PRKN: variants seen among roughly 807,000 people sequenced by gnomAD.
PRKN encodes parkin RBR E3 ubiquitin protein ligase.
PRKN carries 56 observed loss-of-function variants against 59.5 expected under a neutral mutation model. That is an observed-to-expected ratio of 0.94 (90% CI 0.76 to 1.18). The LOEUF (loss-of-function observed/expected upper bound fraction) is 1.18. PRKN is among the 50% of genes most tolerant of loss of function. PRKN has a pLI of 0.00. For synonymous variants in PRKN, 250 were observed against 222.1 expected (o/e 1.13, Z -1.12); for missense variants, 657 against 596.4 (o/e 1.10, Z -1.06).
chr6:162,571,864 T>C (rs935613395), intron 1 of PRKN, among the ~76,000 whole-genome samples: 7 of 152,124 alleles, frequency 4.6e-5, no homozygotes, highest in Non-Finnish European at 7.3e-5. Flanking sequence ...ATCAATAAAA[T>C]ATTAAACCAC....
At chr6:162,567,746 T>C (rs1389207265) in intron 1 of PRKN, among the ~76,000 whole-genome samples, 2 of 152,134 alleles carry the variant, frequency 1.3e-5, no homozygotes, top group Non-Finnish European at 2.9e-5. Flanking sequence ...GACATTCTTC[T>C]GGGAAATAGA....
At chr6:161,887,298 C>CA (rs1368427596) in intron 6 of PRKN, among the ~76,000 whole-genome samples, 2 of 151,992 alleles carry the variant, frequency 1.3e-5, no homozygotes, top group Non-Finnish European at 2.9e-5. Flanking sequence ...GTATGACTTA[C>CA]AAAAAAGATG....
At chr6:162,661,482 A>G (rs1463696218) in intron 1 of PRKN, among the ~76,000 whole-genome samples, 1 of 152,172 alleles carries the variant, frequency 6.6e-6, no homozygotes, top group Admixed American at 6.5e-5. Flanking sequence ...TACAGTTCCC[A>G]CGGACAATGA....
At chr6:162,395,705 A>G (rs1040427248) in intron 2 of PRKN, among the ~76,000 whole-genome samples, 13 of 152,276 alleles carry the variant, frequency 8.5e-5, no homozygotes, top group Middle Eastern at 3.4e-3. Flanking sequence ...CAAAAAAAAA[A>G]AGAAAGTTCT....
chr6:162,532,120 T>C (rs1778539057), intron 1 of PRKN, among the ~76,000 whole-genome samples: 2 of 74,332 alleles, frequency 2.7e-5, no homozygotes, highest in Non-Finnish European at 4.4e-5. Flanking sequence ...ATGGAAGAAG[T>C]TTCCCCTGAA....
intron 7 of PRKN, among the ~76,000 whole-genome samples, chr6:161,730,579 G>C (rs1317320729): frequency 6.6e-6 from 1 of 150,866 alleles, no homozygotes; most frequent in African/African-American, 2.5e-5. Context: ...CTGATGTGTT[G>C]CATTCTGATG....
At chr6:161,847,890 G>T (rs982708435) in intron 6 of PRKN, among the ~76,000 whole-genome samples, 1 of 152,150 alleles carries the variant, frequency 6.6e-6, no homozygotes, top group Admixed American at 6.5e-5. Context: ...ACTCTGCCCT[G>T]AGCACAAAAC....
At chr6:161,874,222 A>C (rs1278019374) in intron 6 of PRKN, among the ~76,000 whole-genome samples, 1 of 36,810 alleles carries the variant, frequency 2.7e-5, no homozygotes, top group Non-Finnish European at 4.5e-5. Flanking sequence ...AATATAATAT[A>C]TATTATATAT....
At chr6:162,531,565 T>G (rs1363440823) in intron 1 of PRKN, among the ~76,000 whole-genome samples, 1 of 151,768 alleles carries the variant, frequency 6.6e-6, no homozygotes, top group African/African-American at 2.4e-5. Flanking sequence ...AGTTCCTAGG[T>G]GGGAGCACAA....
intron 8 of PRKN, among the ~76,000 whole-genome samples, chr6:161,555,942 A>G (rs9355908): frequency 0.17 from 25,320 of 152,236 alleles, 2,865 homozygotes; most frequent in East Asian, 0.58. Flanking sequence ...ATTTTTTAAA[A>G]TAAGTTGCTC....
At chr6:162,534,767 T>G (rs1009781705) in intron 1 of PRKN, among the ~76,000 whole-genome samples, 1 of 152,104 alleles carries the variant, frequency 6.6e-6, no homozygotes, top group Admixed American at 6.6e-5. Flanking sequence ...GCAGCTCCAG[T>G]AGAGGCTGTG....
chr6:161,837,257 C>T (rs560027562), intron 6 of PRKN, among the ~76,000 whole-genome samples: 124 of 152,200 alleles, frequency 8.1e-4, no homozygotes, highest in Non-Finnish European at 9.7e-4. Flanking sequence ...GAATTTTTCC[C>T]TTCCTCCTGC....
intron 4 of PRKN, among the ~76,000 whole-genome samples, chr6:162,128,509 T>C (rs1160246483): frequency 6.6e-6 from 1 of 152,096 alleles, no homozygotes; most frequent in Non-Finnish European, 1.5e-5. Context: ...CTGTAAGCCA[T>C]AGCACCAGCC....
rs550153058 is a variant in PRKN at position 162,234,445 on chromosome 6, A to G, written c.412+28080T>C. Among the ~76,000 whole-genome samples the G allele has an allele frequency of 7.2e-5, 11 of 152,354 alleles. No individual in the cohort carries two copies. The South Asian group carries it at 1.9e-3, about 26-fold the overall frequency. On this transcript the variant is annotated intron_variant, in intron 3 of 11. Coordinates refer to ENST00000366898, the MANE Select transcript of PRKN (RefSeq NM_004562.3). ...TCATATGTTTTAATTTAGTTATATA[A>G]CATAATATAGAGTTGTCCCTGAGGA...
intron 7 of PRKN, among the ~76,000 whole-genome samples, chr6:161,755,096 A>AT (rs1193537687): frequency 6.6e-6 from 1 of 152,124 alleles, no homozygotes; most frequent in Non-Finnish European, 1.5e-5. Context: ...CCCAACTTAA[A>AT]TTTTTTATTC....
chr6:162,127,342 A>C (rs1470193641), intron 4 of PRKN, among the ~76,000 whole-genome samples: 1 of 152,218 alleles, frequency 6.6e-6, no homozygotes, highest in East Asian at 1.9e-4. Context: ...TCCAAATATA[A>C]TGCTTTTCAT....
intron 6 of PRKN, among the ~76,000 whole-genome samples, chr6:161,830,425 T>C (rs76925041): frequency 0.016 from 2,389 of 152,140 alleles, 63 homozygotes; most frequent in African/African-American, 0.055. Flanking sequence ...CTAATTTTTT[T>C]CTGTTTTTAG....
chr6:161,864,626 GTGTTTTTGTTTGTTTGTT>G (rs1794038577), intron 6 of PRKN, among the ~76,000 whole-genome samples: 1 of 148,828 alleles, frequency 6.7e-6, no homozygotes, highest in African/African-American at 2.6e-5. Flanking sequence ...TTTCCAAAAG[GTGTTTTTGTTTGTTTGTT>G]TGTTTTTGTT....
At chr6:162,661,773 C>T (rs1406835463) in intron 1 of PRKN, among the ~76,000 whole-genome samples, 2 of 152,094 alleles carry the variant, frequency 1.3e-5, no homozygotes, top group Non-Finnish European at 2.9e-5. Context: ...GAAAAAAAGG[C>T]ACAGAGAAAC....
Sources: allele counts gnomAD v4.1 joint callset (sites outside exome capture counted in the v4.1 genomes callset), GRCh38; gene constraint gnomAD v4.1.1; transcripts MANE v1.5; gene names NCBI Gene and HGNC (gene_info 2026-07-23, HGNC 2026-07-21).